ZNF20: variants seen among roughly 807,000 people sequenced by gnomAD.
ZNF20 encodes zinc finger protein KOX13.
Under a neutral mutation model 11.0 loss-of-function variants are expected in ZNF20, and 9 were observed. The ratio of observed to expected loss-of-function variants is 0.82; its 90% CI spans 0.49 to 1.43. The LOEUF (loss-of-function observed/expected upper bound fraction) is 1.43. Ranked by LOEUF, ZNF20 falls within the 40% of genes most tolerant of loss-of-function variation. The pLI, the probability that ZNF20 is intolerant of heterozygous loss-of-function variation, is 0.00. For synonymous variants in ZNF20, 182 were observed against 213.0 expected, an observed-to-expected ratio of 0.85 and a Z score of 1.27; for missense variants, 528 against 640.8, an observed-to-expected ratio of 0.82 and a Z score of 1.90.
At chr19:12,134,508 C>T (rs1020310279) in intron 3 of ZNF20, among the ~76,000 whole-genome samples, 17 of 152,028 alleles carry the variant, frequency 1.1e-4, no homozygotes, top group East Asian at 5.8e-4. Context: ...CTAGGTGTGA[C>T]GGCGTGCGCT....
Position 12,132,897 on chromosome 19 carries a change from T to C in ZNF20, c.1289A>G (p.Lys430Arg), listed in dbSNP as rs767094608. 2.5e-6 allele frequency: 4 copies of C among 1,614,098 alleles called. No individual in the cohort carries two copies. Among genetic ancestry groups the C allele is most frequent in the East Asian group, 2.2e-5 (1 of 44,900 alleles). Residue 430 changes from lysine (K) to arginine (R), a missense_variant, in exon 4 of 4, where the codon AAA becomes AGA. Lys to Arg is a conservative substitution (Grantham distance 26). Coordinates refer to ENST00000334213, the MANE Select transcript of ZNF20 (RefSeq NM_021143.4). ...CAAGGAAGAGAAATACCTGAATGCT[T>C]TTCCACATTGCTTACATTCATGGGG... ...EKPHECKQCG[K>R]AFRYFSSLHI...
At position 12,132,637 on chromosome 19, in the gene ZNF20, G is replaced by A. The variant is rs201734727; in HGVS notation, c.1549C>T (p.Arg517Cys). 9.3e-6 allele frequency: 15 copies of A among 1,612,490 alleles called. No individual in the cohort carries two copies. The highest frequency in any genetic ancestry group is 8.9e-5 in the East Asian group (4 of 44,870). ...QCKQCGKAFI[R>C]ASSCREHERT... ...TCATGTTCTCGACATGAACTGGCAC[G>A]AATAAAGGCTTTGCCACATTGCTTG... Residue 517 changes from arginine (R) to cysteine (C), a missense_variant, in exon 4 of 4, where the codon CGT (arginine) becomes TGT (cysteine). Physicochemically the swap from Arg to Cys is radical, Grantham distance 180 (BLOSUM62 -3). Coordinates refer to ENST00000334213, the MANE Select transcript of ZNF20 (RefSeq NM_021143.4).
rs1976637366 is a variant in ZNF20, at chr19:12,132,452, T to C, written c.*135A>G. On this transcript the variant is annotated 3_prime_UTR_variant, in exon 4 of 4. Coordinates refer to ENST00000334213, the MANE Select transcript of ZNF20 (RefSeq NM_021143.4). The stretch of plus-strand genomic sequence containing the variant: ...ACCATCCAAGTTCTTCTAGATTTTA[T>C]TGTCCTATCGCAAGTCTCTCTTCTC... The C allele has an allele frequency of 1.2e-6, 1 of 860,074 alleles. No individual in the cohort carries two copies. Among genetic ancestry groups the C allele is most frequent in the South Asian group, 1.8e-5 (1 of 55,000 alleles). 53.3% of individuals were successfully genotyped at this position (860,074 alleles called of 1,614,324 possible).
intron 3 of ZNF20, 149 bp downstream of exon 3, chr19:12,135,351 G>A (rs1273695441): frequency 3.4e-5 from 25 of 728,098 alleles, no homozygotes; most frequent in East Asian, 3.3e-4. Flanking sequence ...CATATTGGCC[G>A]GGCTGGTCTC....
Position 12,133,299 on chromosome 19 carries a change from C to A in ZNF20, c.887G>T (p.Ser296Ile). The A allele has an allele frequency of 6.2e-7, 1 of 1,614,128 alleles. No individual in the cohort carries two copies. Among genetic ancestry groups the A allele is most frequent in the Non-Finnish European group, 8.5e-7 (1 of 1,180,010 alleles). Residue 296 changes from serine (S) to isoleucine (I), a missense_variant, in exon 4 of 4, where the codon AGT becomes ATT. Transcript: ENST00000334213. ...AGTCATCTTATGATACTGAATGGAA[C>A]TGAAAGAAATGAAGACTTTCCCACA... ...KQCGKVFISF[S>I]SIQYHKMTHT... is the part of the protein sequence containing the mutation.
At position 12,132,542 on chromosome 19, in the gene ZNF20, GGGACAACAGAAAGC is replaced by G; in HGVS notation, c.*31_*44del. On this transcript the variant is annotated 3_prime_UTR_variant, in exon 4 of 4. Transcript: ENST00000334213. ...TCTTTTCTTGTGTTTCAAAGGAAGT[GGGACAACAGAAAGC>G]TTCTCCCGTTGCTTCCACTAAAAGG... 2 of 1,518,348 alleles carry G rather than the reference GGGACAACAGAAAGC, an allele frequency of 1.3e-6. No individual in the cohort carries two copies. Among genetic ancestry groups the G allele is most frequent in the Non-Finnish European group, 1.8e-6 (2 of 1,135,122 alleles). The allele number at this position is 1,518,348 out of a possible 1,614,324, so 94.1% of individuals were successfully genotyped here.
Position 12,132,511 on chromosome 19 carries a change from C to T in ZNF20, c.*76G>A, listed in dbSNP as rs1976638241. Reference sequence around the variant, plus strand: ...AAGCAGTTATCCAGAGGTTCTTTCACCACTCTCTTTTCTTGTGTTTCAAAG... The same window carrying T: ...AAGCAGTTATCCAGAGGTTCTTTCATCACTCTCTTTTCTTGTGTTTCAAAG... On this transcript the variant is annotated 3_prime_UTR_variant, in exon 4 of 4. Transcript: ENST00000334213. The T allele has an allele frequency of 1.4e-6, 2 of 1,440,674 alleles. No homozygotes were observed. The highest frequency in any genetic ancestry group is 2.3e-5 in the East Asian group (1 of 43,702). The allele number at this position is 1,440,674 out of a possible 1,614,324, so 89.2% of individuals were successfully genotyped here. A position where few individuals can be genotyped will look rare whatever the true frequency, so the allele number is the denominator to read the frequency against.
At position 12,133,348 on chromosome 19, in the gene ZNF20, C is replaced by T; in HGVS notation, c.838G>A (p.Glu280Lys). The stretch of plus-strand genomic sequence containing the variant: ...CATTGCTTACACTCATAGGGTTTTT[C>T]TCCAGTGTGAGACCTTTTATGTCTA... ...IRRHKRSHTG[E>K]KPYECKQCGK... The change falls in exon 4 of 4, where the codon GAA becomes AAA. Residue 280 changes from glutamate (E) to lysine (K), a missense_variant. Transcript: ENST00000334213. 1.2e-6 allele frequency: 2 copies of T among 1,614,218 alleles called. No individual in the cohort carries two copies. Among genetic ancestry groups the T allele is most frequent in the South Asian group, 1.1e-5 (1 of 91,088 alleles).
chr19:12,136,917 T>C (rs992456810), intron 1 of ZNF20: 5 of 421,662 alleles, frequency 1.2e-5, no homozygotes, highest in Admixed American at 5.6e-5. Flanking sequence ...ATCATCTCCA[T>C]ATGAATTAAT....
chr19:12,138,010 G>A (rs888756716), intron 1 of ZNF20, among the ~76,000 whole-genome samples: 1 of 152,164 alleles, frequency 6.6e-6, no homozygotes, highest in African/African-American at 2.4e-5. Flanking sequence ...CTATCCTCTG[G>A]GAGGACTGAC....
intron 1 of ZNF20, 95 bp from the exon 2 acceptor site, chr19:12,135,999 TTTATCC>T: frequency 6.8e-7 from 1 of 1,469,910 alleles, no homozygotes; most frequent in Non-Finnish European, 9.1e-7. Flanking sequence ...ACTCCAAACA[TTTATCC>T]CATGACTTGG....
At position 12,132,557 on chromosome 19, in the gene ZNF20, TTCTCCCGTTGCTTCCAC is replaced by T; in HGVS notation, c.*13_*29del. The stretch of plus-strand genomic sequence containing the variant: ...CAAAGGAAGTGGGACAACAGAAAGC[TTCTCCCGTTGCTTCCAC>T]TAAAAGGATTTCTCATCTATTAATG... On this transcript the variant is annotated 3_prime_UTR_variant, in exon 4 of 4. Transcript: ENST00000334213. The T allele has an allele frequency of 1.3e-6, 2 of 1,533,826 alleles. No homozygotes were observed. Among genetic ancestry groups the T allele is most frequent in the Non-Finnish European group, 1.7e-6 (2 of 1,144,548 alleles).
At position 12,135,847 on chromosome 19, in the gene ZNF20, A is replaced by C. The variant is rs1599433246; in HGVS notation, c.61T>G (p.Trp21Gly). Residue 21 changes from tryptophan to glycine, a missense_variant, in exon 2 of 4, where the codon TGG becomes GGG. Coordinates refer to ENST00000334213, the MANE Select transcript of ZNF20 (RefSeq NM_021143.4). The part of the protein sequence containing the change: ...DVAVSFTQEE[W>G]ALLDPSQKNL... ...TTCTGGGAAGGATCCAGCAAAGCCCACTCCTCCTGGGTGAAGCTGACAGCC... is the reference window on the plus strand; with the variant it reads ...TTCTGGGAAGGATCCAGCAAAGCCCCCTCCTCCTGGGTGAAGCTGACAGCC... 3 of 1,614,018 alleles carry C rather than the reference A, an allele frequency of 1.9e-6. No homozygotes were observed. Among genetic ancestry groups the C allele is most frequent in the Non-Finnish European group, 2.5e-6 (3 of 1,180,016 alleles).
In ZNF20 at chr19:12,138,338, G is replaced by A. The variant is rs557803252; in HGVS notation, c.3+1842C>T. Among the ~76,000 whole-genome samples, 178 of 151,734 alleles carry A rather than the reference G, an allele frequency of 1.2e-3. 3 individuals carry two copies. Among genetic ancestry groups the A allele is most frequent in the South Asian group, 8.1e-3 (39 of 4,798 alleles). On this transcript the variant is annotated intron_variant, in intron 1 of 3. Transcript: ENST00000334213. The stretch of plus-strand genomic sequence containing the variant: ...CGCATACCTGTAAACCCAGCTACTC[G>A]GGAGACTGAGGGCAGGAGAATCACC...
chr19:12,135,837 A>G lies in ZNF20; in HGVS notation c.71T>C (p.Leu24Pro). The change falls in exon 2 of 4, where the codon CTG becomes CCG. Residue 24 changes from leucine (L) to proline (P), a missense_variant. Coordinates refer to ENST00000334213, the MANE Select transcript of ZNF20 (RefSeq NM_021143.4). ...VSFTQEEWAL[L>P]DPSQKNLYRD... is the part of the protein sequence containing the mutation. ...GTAGAGATTCTTCTGGGAAGGATCCAGCAAAGCCCACTCCTCCTGGGTGAA... is the reference window on the plus strand; with the variant it reads ...GTAGAGATTCTTCTGGGAAGGATCCGGCAAAGCCCACTCCTCCTGGGTGAA... The G allele has an allele frequency of 6.2e-7, 1 of 1,614,194 alleles. No individual in the cohort carries two copies. Among genetic ancestry groups the G allele is most frequent in the Non-Finnish European group, 8.5e-7 (1 of 1,180,036 alleles).
chr19:12,134,280 C>T (rs370601313), intron 3 of ZNF20, among the ~76,000 whole-genome samples: 5 of 151,954 alleles, frequency 3.3e-5, no homozygotes, highest in South Asian at 2.1e-4. Context: ...GCTGAGATTG[C>T]GCCATTGTGC....
At position 12,139,736 on chromosome 19, in the gene ZNF20, T is replaced by C. The variant is rs1475102873; in HGVS notation, c.3+444A>G. ...TAGTAGAGACGGGGTTTCACTGTGT[T>C]AGCCTGGATGGTCTCGATCTCCTGA... is the stretch of plus-strand genomic sequence containing the variant. On this transcript the variant is annotated intron_variant, in intron 1 of 3. Transcript: ENST00000334213. This position sits in a 1 kb window ranked among gnomAD's most constrained non-coding sequence, Gnocchi z 4.0. 2.0e-5 allele frequency among the ~76,000 whole-genome samples: 3 copies of C among 152,168 alleles called. No homozygotes were observed. In the East Asian group the frequency reaches 5.8e-4, roughly 29 times the overall value.
At chr19:12,138,789 A>C (rs1976753053) in intron 1 of ZNF20, among the ~76,000 whole-genome samples, 1 of 152,162 alleles carries the variant, frequency 6.6e-6, no homozygotes, top group African/African-American at 2.4e-5. Flanking sequence ...ATTGCATTCC[A>C]GCCTGGGCAA....
Position 12,140,317 on chromosome 19 carries a change from G to A in ZNF20, c.-135C>T, listed in dbSNP as rs566398641. 1.8e-6 allele frequency: 2 copies of A among 1,128,238 alleles called. No individual in the cohort carries two copies. The highest frequency in any genetic ancestry group is 2.6e-5 in the South Asian group (2 of 75,678). 69.9% of individuals were successfully genotyped at this position (1,128,238 alleles called of 1,614,324 possible). On this transcript the variant is annotated 5_prime_UTR_variant, in exon 1 of 4. Coordinates refer to ENST00000334213, the MANE Select transcript of ZNF20 (RefSeq NM_021143.4). ...CTCGGAGTAGGAAATCTGGTATCCC[G>A]ACAACAACCTGCATAGCAACAAAAG... is the stretch of plus-strand genomic sequence containing the variant.
Sources: allele counts gnomAD v4.1 joint callset (sites outside exome capture counted in the v4.1 genomes callset), GRCh38; gene constraint gnomAD v4.1.1; non-coding constraint Gnocchi (gnomAD v3.1); transcripts MANE v1.5; gene names NCBI Gene and HGNC (gene_info 2026-07-23, HGNC 2026-07-21).